Variants in BTBD9 observed in about 807,000 individuals in gnomAD.
BTBD9 encodes BTB/POZ domain-containing protein 9.
A neutral mutation model predicts 64.3 loss-of-function variants in BTBD9; 49 were observed. The ratio of observed to expected loss-of-function variants is 0.76; its 90% CI spans 0.61 to 0.97. The LOEUF (loss-of-function observed/expected upper bound fraction) is 0.97, where lower values mean the gene tolerates loss of function less well. BTBD9 is among the 50% of genes least tolerant of loss of function. The probability of loss-of-function intolerance (pLI) is 0.00; values close to 1 mark genes in which losing one functional copy is unlikely to be tolerated. For missense variants in BTBD9, 598 were observed against 762.1 expected (o/e 0.78, Z 2.53); for synonymous variants, 260 against 274.7 (o/e 0.95, Z 0.53).
intron 6 of BTBD9, among the ~76,000 whole-genome samples, chr6:38,436,707 A>T (rs1180291905): frequency 6.7e-6 from 1 of 149,962 alleles, no homozygotes; most frequent in Non-Finnish European, 1.5e-5. Context: ...GTTGACATCA[A>T]CTTTCTCATT....
At chr6:38,435,921 G>A (rs991934186) in intron 6 of BTBD9, among the ~76,000 whole-genome samples, 4 of 151,408 alleles carry the variant, frequency 2.6e-5, no homozygotes, top group Admixed American at 2.0e-4. Flanking sequence ...CGCCCACCTT[G>A]GCCTCCCAAA....
chr6:38,535,860 A>C (rs946121712), intron 6 of BTBD9, among the ~76,000 whole-genome samples: 1 of 152,158 alleles, frequency 6.6e-6, no homozygotes, highest in Non-Finnish European at 1.5e-5. Context: ...TGGATTAAAG[A>C]CTTAAATCTA....
At chr6:38,332,575 C>T (rs1450686181) in intron 7 of BTBD9, among the ~76,000 whole-genome samples, 1 of 151,732 alleles carries the variant, frequency 6.6e-6, no homozygotes, top group Non-Finnish European at 1.5e-5. Flanking sequence ...GGGAATAGAC[C>T]CCTCATTCAT....
intron 6 of BTBD9, among the ~76,000 whole-genome samples, chr6:38,412,890 AGTC>A (rs1282735902): frequency 3.3e-5 from 5 of 151,924 alleles, no homozygotes; most frequent in Admixed American, 2.6e-4. Context: ...ACAACAAAAC[AGTC>A]GGAAATTTTG....
At chr6:38,484,875 C>G (rs1771327093) in intron 6 of BTBD9, among the ~76,000 whole-genome samples, 1 of 152,150 alleles carries the variant, frequency 6.6e-6, no homozygotes, top group African/African-American at 2.4e-5. Context: ...GTGGTGGTTG[C>G]TGAAGGCTGG....
intron 7 of BTBD9, among the ~76,000 whole-genome samples, chr6:38,337,666 A>G (rs1004652896): frequency 2.0e-5 from 3 of 152,186 alleles, no homozygotes; most frequent in Non-Finnish European, 4.4e-5. Flanking sequence ...TGCCAATGTG[A>G]CTGTCCGGCT....
At chr6:38,399,661 C>A (rs76280722) in intron 6 of BTBD9, among the ~76,000 whole-genome samples, 1 of 152,210 alleles carries the variant, frequency 6.6e-6, no homozygotes, top group South Asian at 2.1e-4. Context: ...GAACCCATAG[C>A]TGCCTAGAAT....
chr6:38,299,161 C>A lies in BTBD9; in HGVS notation c.1265-10700G>T, dbSNP rs1232908058. ...TGAGAATGATGGTTTCCAGCTTCATCCATGTCCCCACAAAGGACATGAACT... is the reference window on the plus strand; with the variant it reads ...TGAGAATGATGGTTTCCAGCTTCATACATGTCCCCACAAAGGACATGAACT... On this transcript the variant is annotated intron_variant, in intron 7 of 10. Transcript: ENST00000481247. 7.2e-5 allele frequency among the ~76,000 whole-genome samples: 11 copies of A among 152,294 alleles called. No homozygotes were observed. The South Asian group carries it at 1.9e-3, about 26-fold the overall frequency.
intron 7 of BTBD9, among the ~76,000 whole-genome samples, chr6:38,324,517 A>G (rs1272461263): frequency 6.6e-6 from 1 of 152,170 alleles, no homozygotes; most frequent in African/African-American, 2.4e-5. Context: ...GAAGGACTAG[A>G]GAAGCTGCAG....
intron 6 of BTBD9, among the ~76,000 whole-genome samples, chr6:38,477,614 C>T (rs74983307): frequency 0.022 from 3,281 of 152,262 alleles, 67 homozygotes; most frequent in East Asian, 0.095. Context: ...ACTGAGCTAA[C>T]GAGCAGTATC....
intron 6 of BTBD9, among the ~76,000 whole-genome samples, chr6:38,494,614 C>A (rs774720574): frequency 1.3e-5 from 2 of 152,264 alleles, no homozygotes; most frequent in Admixed American, 1.3e-4. Context: ...GTAAGCATAT[C>A]TTTTACTCAT....
chr6:38,574,593 G>A (rs892767027), intron 6 of BTBD9, among the ~76,000 whole-genome samples: 4 of 152,134 alleles, frequency 2.6e-5, no homozygotes, highest in Non-Finnish European at 5.9e-5. Context: ...AAAAATGACT[G>A]CCATTTATTG....
At chr6:38,434,470 C>A (rs1348639383) in intron 6 of BTBD9, among the ~76,000 whole-genome samples, 3 of 151,926 alleles carry the variant, frequency 2.0e-5, no homozygotes, top group Non-Finnish European at 4.4e-5. Context: ...TTTGAGTTGT[C>A]CCACCTTTCT....
intron 6 of BTBD9, among the ~76,000 whole-genome samples, chr6:38,441,159 C>T (rs1165067386): frequency 1.3e-5 from 2 of 152,100 alleles, no homozygotes; most frequent in East Asian, 3.9e-4. Flanking sequence ...CAATTCCAGG[C>T]CCAAAGTGTT....
chr6:38,284,682 G>T (rs1761658609), intron 8 of BTBD9, among the ~76,000 whole-genome samples: 1 of 152,156 alleles, frequency 6.6e-6, no homozygotes, highest in African/African-American at 2.4e-5. Flanking sequence ...GGCAGCAAGT[G>T]AACATTTATA....
At chr6:38,270,978 T>C (rs956566941) in intron 8 of BTBD9, among the ~76,000 whole-genome samples, 9 of 152,208 alleles carry the variant, frequency 5.9e-5, no homozygotes, top group Non-Finnish European at 7.3e-5. Flanking sequence ...TGGATTTTAA[T>C]GTACGTGATT....
chr6:38,348,048 C>T (rs1018474601), intron 6 of BTBD9, among the ~76,000 whole-genome samples: 3 of 152,064 alleles, frequency 2.0e-5, no homozygotes, highest in Non-Finnish European at 4.4e-5. Flanking sequence ...GAGTAGTGCC[C>T]TGCTCCATGA....
chr6:38,392,324 G>A (rs1766455716), intron 6 of BTBD9, among the ~76,000 whole-genome samples: 2 of 152,160 alleles, frequency 1.3e-5, no homozygotes, highest in Admixed American at 1.3e-4. Context: ...TTGGTTAGTT[G>A]GGAAATGATC....
At position 38,214,368 on chromosome 6, in the gene BTBD9, G is replaced by A. The variant is rs377650560; in HGVS notation, c.1563-21771C>T. Among the ~76,000 whole-genome samples, 301 of 152,366 alleles carry A rather than the reference G, an allele frequency of 2.0e-3. 3 individuals carry two copies. The highest frequency in any genetic ancestry group is 6.8e-3 in the African/African-American group (282 of 41,588). On this transcript the variant is annotated intron_variant, in intron 9 of 10. Transcript: ENST00000481247. ...AGTGTAGCAAGGACTGACCTAGCCC[G>A]CTGGCTCCCTGTGAGTTCACAAAGA...
Sources: gnomAD v4.1 joint callset for allele counts (sites outside exome capture counted in the v4.1 genomes callset) on GRCh38, gnomAD v4.1.1 for gene constraint, MANE v1.5 for transcripts, NCBI Gene and HGNC (gene_info 2026-07-23, HGNC 2026-07-21) for gene names.